CDH12: variants seen among roughly 807,000 people sequenced by gnomAD.
CDH12 encodes the protein cadherin 12, also known as cadherin-12.
Under a neutral mutation model 74.1 loss-of-function variants are expected in CDH12, and 41 were observed. The ratio of observed to expected loss-of-function variants is 0.55; its 90% CI spans 0.43 to 0.72. CDH12 has a LOEUF of 0.72. Among genes scored for constraint, CDH12 ranks in the 30% least tolerant of loss-of-function variants. The pLI is 0.00. For synonymous variants in CDH12, 399 were observed against 355.0 expected (o/e 1.12, Z -1.39); for missense variants, 945 against 977.2 (o/e 0.97, Z 0.44).
intron 5 of CDH12, among the ~76,000 whole-genome samples, chr5:22,041,640 A>G (rs183260676): frequency 7.2e-5 from 11 of 152,154 alleles, no homozygotes; most frequent in African/African-American, 1.7e-4. Flanking sequence ...TGCACCTAAC[A>G]TCAGAGTGCC....
chr5:22,032,002 T>A lies in CDH12; in HGVS notation c.231+46444A>T, dbSNP rs376308381. On this transcript the variant is annotated intron_variant, in intron 5 of 14. Transcript: ENST00000382254. Reference sequence around the variant, plus strand: ...ATGCAGGGTTGCCACAAACCTTCAATTTATAAAAAAAAAATCGAATCAAAA... The same window carrying A: ...ATGCAGGGTTGCCACAAACCTTCAAATTATAAAAAAAAAATCGAATCAAAA... Among the ~76,000 whole-genome samples the A allele has an allele frequency of 1.4e-4, 21 of 151,860 alleles. No individual in the cohort carries two copies. In the East Asian group the frequency reaches 1.5e-3, roughly 11 times the overall value.
In CDH12 at chr5:22,272,828, T is replaced by G. The variant is rs537953553; in HGVS notation, c.-332-60185A>C. Among the ~76,000 whole-genome samples, 31 of 152,238 alleles carry G rather than the reference T, an allele frequency of 2.0e-4. No homozygotes were observed. The Middle Eastern group carries it at 0.01, about 50-fold the overall frequency. On this transcript the variant is annotated intron_variant, in intron 3 of 14. Coordinates refer to ENST00000382254, the MANE Select transcript of CDH12 (RefSeq NM_004061.5). ...TTTTTATGCTGCTATGAAGAAATAC[T>G]CAAGACTGGGTAATTTACAAAGGAA...
At chr5:22,056,490 G>T (rs1740753206) in intron 5 of CDH12, among the ~76,000 whole-genome samples, 1 of 152,116 alleles carries the variant, frequency 6.6e-6, no homozygotes, top group Non-Finnish European at 1.5e-5. Flanking sequence ...GCATACTTGT[G>T]CTAGGAGATT....
At chr5:22,187,159 C>G (rs1214793717) in intron 4 of CDH12, among the ~76,000 whole-genome samples, 5 of 152,182 alleles carry the variant, frequency 3.3e-5, no homozygotes, top group Admixed American at 6.5e-5. Context: ...AACACTCACA[C>G]GAGCACATAT....
chr5:22,451,540 A>T (rs1745043874), intron 2 of CDH12, among the ~76,000 whole-genome samples: 1 of 151,938 alleles, frequency 6.6e-6, no homozygotes, highest in Non-Finnish European at 1.5e-5. Flanking sequence ...GCCCTCAATA[A>T]ATTAGGTATA....
At chr5:22,097,972 A>G (rs1404247683) in intron 4 of CDH12, among the ~76,000 whole-genome samples, 2 of 152,170 alleles carry the variant, frequency 1.3e-5, no homozygotes, top group African/African-American at 4.8e-5. Flanking sequence ...GGTTAGTTCA[A>G]GATCTGTGCC....
At chr5:21,835,854 G>T (rs4383707) in intron 8 of CDH12, among the ~76,000 whole-genome samples, 64,198 of 151,124 alleles carry the variant, frequency 0.42, 16,573 homozygotes, top group African/African-American at 0.73. Flanking sequence ...CATATCAATA[G>T]TTTTAACTGA....
intron 1 of CDH12, among the ~76,000 whole-genome samples, chr5:22,599,032 T>G (rs1222378285): frequency 1.3e-5 from 2 of 152,192 alleles, no homozygotes; most frequent in East Asian, 3.9e-4. Flanking sequence ...CTCTCACTTG[T>G]GTTTAAACAT....
chr5:22,163,357 T>C (rs1230063405), intron 4 of CDH12, among the ~76,000 whole-genome samples: 1 of 152,182 alleles, frequency 6.6e-6, no homozygotes, highest in African/African-American at 2.4e-5. Flanking sequence ...GTATATTGCA[T>C]GTACATAACA....
At chr5:22,543,996 C>T (rs1415336664) in intron 1 of CDH12, among the ~76,000 whole-genome samples, 1 of 151,666 alleles carries the variant, frequency 6.6e-6, no homozygotes, top group Non-Finnish European at 1.5e-5. Context: ...TCCTCTTAGT[C>T]AAAAATCAAA....
In CDH12 at chr5:22,434,824, T is replaced by C. The variant is rs995912858; in HGVS notation, c.-427-29473A>G. Among the ~76,000 whole-genome samples the C allele has an allele frequency of 2.6e-5, 4 of 152,194 alleles. 1 individual carries two copies. Among genetic ancestry groups the C allele is most frequent in the Admixed American group, 1.3e-4 (2 of 15,264 alleles). ...TTCAATACTTGGCTCCATAATTCACTGATTAGAGAATATGAATAACTGCTA... is the reference window on the plus strand; with the variant it reads ...TTCAATACTTGGCTCCATAATTCACCGATTAGAGAATATGAATAACTGCTA... On this transcript the variant is annotated intron_variant, in intron 2 of 14. Transcript: ENST00000382254.
At chr5:22,285,021 T>G (rs942513314) in intron 3 of CDH12, among the ~76,000 whole-genome samples, 1 of 151,506 alleles carries the variant, frequency 6.6e-6, no homozygotes, top group Non-Finnish European at 1.5e-5. Flanking sequence ...CATCACATTT[T>G]TAAAGTCTAT....
chr5:21,754,629 T>C (rs1744281759), intron 14 of CDH12, among the ~76,000 whole-genome samples: 1 of 152,186 alleles, frequency 6.6e-6, no homozygotes, highest in Non-Finnish European at 1.5e-5. Context: ...AGCTACCATA[T>C]AACGCGTTAC....
At chr5:22,147,051 T>C (rs913268333) in intron 4 of CDH12, among the ~76,000 whole-genome samples, 5 of 152,230 alleles carry the variant, frequency 3.3e-5, no homozygotes, top group African/African-American at 9.6e-5. Flanking sequence ...TATGTTCTTA[T>C]GGAAATTTAA....
intron 1 of CDH12, among the ~76,000 whole-genome samples, chr5:22,640,624 T>C (rs1739097819): frequency 6.6e-6 from 1 of 152,232 alleles, no homozygotes; most frequent in Admixed American, 6.5e-5. Flanking sequence ...AGCTGTGTTT[T>C]TATTTTCTTC....
intron 11 of CDH12, among the ~76,000 whole-genome samples, chr5:21,765,969 A>G (rs548671773): frequency 2.0e-5 from 3 of 152,176 alleles, no homozygotes; most frequent in Middle Eastern, 6.8e-3. Context: ...GCAGAAAGCT[A>G]AATGAATGGG....
intron 1 of CDH12, among the ~76,000 whole-genome samples, chr5:22,711,485 G>T (rs1000971425): frequency 6.6e-6 from 1 of 152,012 alleles, no homozygotes; most frequent in Non-Finnish European, 1.5e-5. Context: ...AGAAACAAAG[G>T]TCATCATTGG....
chr5:22,023,514 G>A (rs1228850789), intron 5 of CDH12, among the ~76,000 whole-genome samples: 3 of 151,590 alleles, frequency 2.0e-5, no homozygotes, highest in South Asian at 2.1e-4. Context: ...ATATTTGTGT[G>A]TGTGTGTATA....
chr5:21,904,291 C>A (rs7445447), intron 6 of CDH12, among the ~76,000 whole-genome samples: 1 of 152,004 alleles, frequency 6.6e-6, no homozygotes, highest in Admixed American at 6.6e-5. Context: ...TCCACCAAAA[C>A]GAGGAAGTGA....
Sources: gnomAD v4.1 joint callset for allele counts (sites outside exome capture counted in the v4.1 genomes callset) on GRCh38, gnomAD v4.1.1 for gene constraint, MANE v1.5 for transcripts, NCBI Gene and HGNC (gene_info 2026-07-23, HGNC 2026-07-21) for gene names.